Variants in KCNK9 observed in about 807,000 individuals in gnomAD.
The protein encoded by KCNK9 is potassium channel subfamily K member 9.
A neutral mutation model predicts 10.8 loss-of-function variants in KCNK9; 1 was observed. The ratio of observed to expected loss-of-function variants is 0.09; its 90% CI spans 0.03 to 0.44. The LOEUF is 0.44. KCNK9 is among the 20% of genes least tolerant of loss of function. The pLI is 0.97. For missense variants in KCNK9, 303 were observed against 515.0 expected, an observed-to-expected ratio of 0.59 and a Z score of 3.98; for synonymous variants, 231 against 222.7, an observed-to-expected ratio of 1.04 and a Z score of -0.33.
At chr8:139,625,293 G>A (rs1010690780) in intron 1 of KCNK9, among the ~76,000 whole-genome samples, 2 of 152,228 alleles carry the variant, frequency 1.3e-5, no homozygotes, top group African/African-American at 4.8e-5. Flanking sequence ...CCCGGACCCT[G>A]GTGGAAGGCT....
intron 1 of KCNK9, among the ~76,000 whole-genome samples, chr8:139,623,810 G>A (rs182110942): frequency 2.6e-5 from 4 of 152,232 alleles, no homozygotes; most frequent in African/African-American, 9.6e-5. Context: ...CTTCTGAAAT[G>A]GATCTGCACA....
Position 139,695,503 on chromosome 8 carries a change from G to A in KCNK9, c.283+7207C>T, listed in dbSNP as rs150844856. Among the ~76,000 whole-genome samples the A allele has an allele frequency of 6.9e-3, 1,055 of 152,296 alleles. 51 individuals are homozygous for A. The highest frequency in any genetic ancestry group is 0.062 in the Admixed American group (953 of 15,300). On this transcript the variant is annotated intron_variant, in intron 1 of 1. Transcript: ENST00000520439. ...CCCTTTGGAGGATCATAAGCTACAC[G>A]GTGAGTGCACTGACCTAAAAAGGGA...
chr8:139,627,478 G>A (rs1484403256), intron 1 of KCNK9, among the ~76,000 whole-genome samples: 2 of 152,172 alleles, frequency 1.3e-5, no homozygotes, highest in Non-Finnish European at 2.9e-5. Flanking sequence ...GAGGTCTGGA[G>A]CTCCTGCAGT....
downstream of KCNK9, among the ~76,000 whole-genome samples, chr8:139,610,761 C>T (rs773880556): frequency 9.9e-5 from 15 of 152,206 alleles, no homozygotes; most frequent in African/African-American, 1.7e-4. Flanking sequence ...TTAACATAAA[C>T]GAACTTTGTG....
At chr8:139,666,157 A>C (rs189373521) in intron 1 of KCNK9, among the ~76,000 whole-genome samples, 123 of 152,302 alleles carry the variant, frequency 8.1e-4, no homozygotes, top group African/African-American at 2.9e-3. Flanking sequence ...GAGAACTGAG[A>C]GGGGAGTCAC....
intron 1 of KCNK9, among the ~76,000 whole-genome samples, chr8:139,624,331 T>G (rs762894197): frequency 3.9e-5 from 6 of 152,152 alleles, no homozygotes; most frequent in Admixed American, 1.3e-4. Flanking sequence ...GAAATTTGGT[T>G]TCCAGCACTG....
intron 1 of KCNK9, among the ~76,000 whole-genome samples, chr8:139,659,047 G>A (rs111475038): frequency 6.6e-6 from 1 of 152,222 alleles, no homozygotes; most frequent in Non-Finnish European, 1.5e-5. Flanking sequence ...GGGAAGACAA[G>A]TTAGCCAGAA....
At chr8:139,653,153 C>T (rs1815919240) in intron 1 of KCNK9, among the ~76,000 whole-genome samples, 1 of 152,200 alleles carries the variant, frequency 6.6e-6, no homozygotes, top group Non-Finnish European at 1.5e-5. Context: ...GCTGAAGAAG[C>T]ATCACGGATG....
chr8:139,626,221 A>G (rs1814968060), intron 1 of KCNK9, among the ~76,000 whole-genome samples: 1 of 152,174 alleles, frequency 6.6e-6, no homozygotes, highest in Non-Finnish European at 1.5e-5. Flanking sequence ...CCCCCCTGGC[A>G]ATCTAGGTAC....
chr8:139,635,438 T>C (rs926279862), intron 1 of KCNK9, among the ~76,000 whole-genome samples: 1 of 152,224 alleles, frequency 6.6e-6, no homozygotes, highest in African/African-American at 2.4e-5. Context: ...GGGACACTTT[T>C]ATGGTCATAA....
chr8:139,604,018 C>T (rs1817430647), intron 2 of KCNK9, among the ~76,000 whole-genome samples: 1 of 152,152 alleles, frequency 6.6e-6, no homozygotes, highest in Non-Finnish European at 1.5e-5. Context: ...TGTCAGGGTG[C>T]TGGGGACCTT....
chr8:139,614,945 G>A (rs180866278), downstream of KCNK9, among the ~76,000 whole-genome samples: 2 of 152,292 alleles, frequency 1.3e-5, no homozygotes, highest in East Asian at 1.9e-4. Flanking sequence ...CTGGTAGCAC[G>A]TGGCTCTTCC....
chr8:139,667,253 T>C (rs977084248), intron 1 of KCNK9, among the ~76,000 whole-genome samples: 1 of 152,238 alleles, frequency 6.6e-6, no homozygotes, highest in African/African-American at 2.4e-5. Context: ...AGCTCCATCC[T>C]TGCCGCCCAG....
chr8:139,689,760 A>G (rs2129790560), intron 1 of KCNK9, among the ~76,000 whole-genome samples: 1 of 151,034 alleles, frequency 6.6e-6, no homozygotes, highest in Non-Finnish European at 1.5e-5. Flanking sequence ...CTCCTGCCTC[A>G]GCCTCCCGAA....
At chr8:139,679,326 G>A (rs1816632611) in intron 1 of KCNK9, among the ~76,000 whole-genome samples, 1 of 152,230 alleles carries the variant, frequency 6.6e-6, no homozygotes, top group African/African-American at 2.4e-5. Flanking sequence ...ATGCGGAATG[G>A]CAGGTGAAAG....
intron 2 of KCNK9, chr8:139,601,901 A>T (rs1176485348): frequency 1.3e-5 from 2 of 152,194 alleles, no homozygotes; most frequent in Non-Finnish European, 2.9e-5. Context: ...GTCCCCAGGA[A>T]CAAACCTGGA....
At chr8:139,604,938 G>A (rs1246561773) in intron 2 of KCNK9, among the ~76,000 whole-genome samples, 1 of 152,180 alleles carries the variant, frequency 6.6e-6, no homozygotes, top group African/African-American at 2.4e-5. Flanking sequence ...TGGGACAGCT[G>A]CTGCAGCATC....
Position 139,682,387 on chromosome 8 carries a change from C to T in KCNK9, c.283+20323G>A, listed in dbSNP as rs73725114. Among the ~76,000 whole-genome samples, 1,284 of 152,250 alleles carry T rather than the reference C, an allele frequency of 8.4e-3. 18 individuals are homozygous for T. Among genetic ancestry groups the T allele is most frequent in the African/African-American group, 0.03 (1,232 of 41,552 alleles). ...GCTGGGGGCAAGGGATAAAGACTGG[C>T]TTGGAAAGAGCTGAGCACGACACAG... On this transcript the variant is annotated intron_variant, in intron 1 of 1. Transcript: ENST00000520439.
At chr8:139,682,186 C>T (rs1303831705) in intron 1 of KCNK9, among the ~76,000 whole-genome samples, 1 of 152,236 alleles carries the variant, frequency 6.6e-6, no homozygotes, top group African/African-American at 2.4e-5. Flanking sequence ...ATTTGCTTTT[C>T]TGAAAGACCT....
Sources: allele counts gnomAD v4.1 joint callset (sites outside exome capture counted in the v4.1 genomes callset), GRCh38; gene constraint gnomAD v4.1.1; transcripts MANE v1.5; gene names NCBI Gene and HGNC (gene_info 2026-07-23, HGNC 2026-07-21).